KHDRBS1: variants seen among roughly 807,000 people sequenced by gnomAD.
KHDRBS1 encodes KH RNA binding domain containing, signal transduction associated 1.
A neutral mutation model predicts 48.4 loss-of-function variants in KHDRBS1; 7 were observed. The ratio of observed to expected loss-of-function variants is 0.14; its 90% CI spans 0.08 to 0.27. KHDRBS1 has a LOEUF of 0.27. Among genes scored for constraint, KHDRBS1 ranks in the 10% least tolerant of loss-of-function variants. The probability of loss-of-function intolerance (pLI) is 1.00; values close to 1 mark genes in which losing one functional copy is unlikely to be tolerated. For missense variants in KHDRBS1, 458 were observed against 601.2 expected, an observed-to-expected ratio of 0.76 and a Z score of 2.49; for synonymous variants, 241 against 235.8, an observed-to-expected ratio of 1.02 and a Z score of -0.20.
At chr1:32,030,469 G>T in intron 2 of KHDRBS1, 47 bp downstream of exon 2, 1 of 1,545,800 alleles carries the variant, frequency 6.5e-7, no homozygotes, top group South Asian at 1.2e-5. Flanking sequence ...TTATAGTTAT[G>T]AGAGAGTCAT....
downstream of KHDRBS1, among the ~76,000 whole-genome samples, chr1:32,048,085 GTATTT>G (rs1289362595): frequency 6.6e-6 from 1 of 152,172 alleles, no homozygotes; most frequent in East Asian, 1.9e-4. Context: ...ATGGCTCTAA[GTATTT>G]TATCTCTCAT....
chr1:32,042,667 T>TA lies in KHDRBS1; in HGVS notation c.*44dup, dbSNP rs1292702146. 1 of 1,200,290 alleles carries TA rather than the reference T, an allele frequency of 8.3e-7. No individual in the cohort carries two copies. Among genetic ancestry groups the TA allele is most frequent in the African/African-American group, 1.5e-5 (1 of 66,976 alleles). The allele number at this position is 1,200,290 out of a possible 1,614,324, so 74.4% of individuals were successfully genotyped here. Reference sequence around the variant, plus strand: ...AAATATCAGTTATGAGCAAAGTTGTTACTGATTTCTTGTATCTCCCAGGAT... The same window carrying TA: ...AAATATCAGTTATGAGCAAAGTTGTTAACTGATTTCTTGTATCTCCCAGGAT... On this transcript the variant is annotated 3_prime_UTR_variant, in exon 9 of 9. Coordinates refer to ENST00000327300, the MANE Select transcript of KHDRBS1 (RefSeq NM_006559.3).
intron 2 of KHDRBS1, among the ~76,000 whole-genome samples, 184 bp downstream of exon 2, chr1:32,030,606 C>T (rs562555879): frequency 2.0e-5 from 3 of 152,194 alleles, no homozygotes; most frequent in East Asian, 1.9e-4. Context: ...AATAACATAG[C>T]TATAGCCAGG....
chr1:32,036,889 C>G (rs1254442982), intron 4 of KHDRBS1, 21 bp from the exon 5 acceptor site: 2 of 1,607,518 alleles, frequency 1.2e-6, no homozygotes, highest in East Asian at 4.5e-5. Context: ...ACACAATACT[C>G]CTTGTATCTT....
At chr1:32,030,847 T>C (rs1036529015) in intron 2 of KHDRBS1, among the ~76,000 whole-genome samples, 1 of 152,088 alleles carries the variant, frequency 6.6e-6, no homozygotes, top group Admixed American at 6.5e-5. Flanking sequence ...CTTCCTTTTT[T>C]TTTTTTTAGG....
chr1:32,036,415 C>T (rs957674701), intron 4 of KHDRBS1, among the ~76,000 whole-genome samples: 4 of 151,962 alleles, frequency 2.6e-5, no homozygotes, highest in East Asian at 1.9e-4. Flanking sequence ...GTGATCTGCC[C>T]GCCTCGGCCT....
At chr1:32,027,130 C>T (rs1313687525) in intron 1 of KHDRBS1, among the ~76,000 whole-genome samples, 1 of 152,092 alleles carries the variant, frequency 6.6e-6, no homozygotes, top group Non-Finnish European at 1.5e-5. Context: ...TGGAGTTTCA[C>T]CACGTTGGCC....
chr1:32,048,992 A>G lies in KHDRBS1; in HGVS notation n.1301+3602A>G, dbSNP rs538665145. On this transcript the variant is annotated intron_variant and non_coding_transcript_variant, in intron 10 of 10. Coordinates refer to the KHDRBS1 transcript ENST00000484270. ...AGAAGACCACTTTCTGTATGATTTC[A>G]TACAAATGAAATTATACAATAAGTG... 2.1e-4 allele frequency among the ~76,000 whole-genome samples: 32 copies of G among 151,732 alleles called. 1 individual carries two copies. The South Asian group carries it at 6.7e-3, about 32-fold the overall frequency.
Position 32,014,392 on chromosome 1 carries a change from C to A in KHDRBS1, c.382+15C>A. On this transcript the variant is annotated intron_variant, in intron 1 of 8. Coordinates refer to ENST00000327300, the MANE Select transcript of KHDRBS1 (RefSeq NM_006559.3). ...GCTGACGGCAGGTAAGGGGGCCTCC[C>A]GTGTCCCTCTGGGTCGCCCGGCCAT... The A allele has an allele frequency of 7.4e-7, 1 of 1,359,198 alleles. No individual in the cohort carries two copies. The highest frequency in any genetic ancestry group is 9.6e-7 in the Non-Finnish European group (1 of 1,038,008). The allele number at this position is 1,359,198 out of a possible 1,614,324, so 84.2% of individuals were successfully genotyped here.
At chr1:32,027,083 A>G (rs1402576245) in intron 1 of KHDRBS1, among the ~76,000 whole-genome samples, 1 of 150,142 alleles carries the variant, frequency 6.7e-6, no homozygotes, top group South Asian at 2.1e-4. Flanking sequence ...GCGTGAGCCA[A>G]CGCGCCCGGT....
chr1:32,030,354 G>A lies in KHDRBS1; in HGVS notation c.439G>A (p.Asp147Asn). 1 of 1,612,452 alleles carries A rather than the reference G, an allele frequency of 6.2e-7. No homozygotes were observed. The highest frequency in any genetic ancestry group is 8.5e-7 in the Non-Finnish European group (1 of 1,178,968). ...AAAGGATGATGAGGAGAATTACTTG[G>A]ATTTATTTTCTCATAAGAACATGAA... ...SKKDDEENYL[D>N]LFSHKNMKLK... The change falls in exon 2 of 9, where the codon GAT becomes AAT. Residue 147 changes from aspartate (D) to asparagine (N), a missense_variant. By Grantham distance (23) the Asp-to-Asn change is conservative. This residue lies in a region of KHDRBS1 where 74 missense variants were observed against 156.9 expected (regional missense o/e 0.47). Transcript: ENST00000327300.
intron 8 of KHDRBS1, among the ~76,000 whole-genome samples, chr1:32,041,132 G>A (rs1195146842): frequency 6.6e-6 from 1 of 152,066 alleles, no homozygotes; most frequent in African/African-American, 2.4e-5. Context: ...CAGTTAATCC[G>A]TTCTGATCTC....
At position 32,041,654 on chromosome 1, in the gene KHDRBS1, A is replaced by G. The variant is rs895983526; in HGVS notation, c.1235-873A>G. On this transcript the variant is annotated intron_variant, in intron 8 of 8. Coordinates refer to ENST00000327300, the MANE Select transcript of KHDRBS1 (RefSeq NM_006559.3). Reference sequence around the variant, plus strand: ...GTCCAGGCTGGAGTGGAGTGGCACAATCTCAGCTCACTGCAACCTCTGCCT... The same window carrying G: ...GTCCAGGCTGGAGTGGAGTGGCACAGTCTCAGCTCACTGCAACCTCTGCCT... 2.0e-5 allele frequency among the ~76,000 whole-genome samples: 3 copies of G among 146,966 alleles called. No homozygotes were observed. The East Asian group carries it at 6.0e-4, about 29-fold the overall frequency.
intron 1 of KHDRBS1, among the ~76,000 whole-genome samples, chr1:32,028,667 T>C (rs1639022458): frequency 6.6e-6 from 1 of 151,510 alleles, no homozygotes; most frequent in Non-Finnish European, 1.5e-5. Flanking sequence ...CACGCCCGGC[T>C]AAATTTTTTT....
At chr1:32,055,122 C>T (rs939991718) in intron 10 of KHDRBS1, among the ~76,000 whole-genome samples, 1 of 152,134 alleles carries the variant, frequency 6.6e-6, no homozygotes, top group Non-Finnish European at 1.5e-5. Context: ...GACTGGTACT[C>T]CTAGCTTGGT....
intron 10 of KHDRBS1, among the ~76,000 whole-genome samples, chr1:32,050,495 TTC>T (rs1238281216): frequency 6.6e-6 from 1 of 151,970 alleles, no homozygotes; most frequent in African/African-American, 2.4e-5. Context: ...TTAGTTTTAG[TTC>T]TTTTTGTTTG....
At chr1:32,039,444 T>C (rs368454525) in intron 7 of KHDRBS1, 71 bp from the exon 8 acceptor site, 6 of 791,854 alleles carry the variant, frequency 7.6e-6, no homozygotes, top group Middle Eastern at 2.2e-4. Context: ...GACTGACTTA[T>C]GGAAGTATTT....
chr1:32,024,835 C>T lies in KHDRBS1; in HGVS notation c.383-5463C>T, dbSNP rs140793568. Among the ~76,000 whole-genome samples the T allele has an allele frequency of 3.2e-4, 49 of 152,074 alleles. No homozygotes were observed. The East Asian group carries it at 6.0e-3, about 19-fold the overall frequency. The stretch of plus-strand genomic sequence containing the variant: ...TCAGCCCTACCTGGGTAAGGTGGCA[C>T]GCACCTTTAGTCCTAGCTACTGGGG... On this transcript the variant is annotated intron_variant, in intron 1 of 8. Transcript: ENST00000327300.
chr1:32,019,580 A>G (rs1638815760), intron 1 of KHDRBS1, among the ~76,000 whole-genome samples: 1 of 152,210 alleles, frequency 6.6e-6, no homozygotes, highest in Non-Finnish European at 1.5e-5. Context: ...TTTGTACAGC[A>G]GTGAAAATGG....
Sources: allele counts gnomAD v4.1 joint callset (sites outside exome capture counted in the v4.1 genomes callset), GRCh38; gene constraint gnomAD v4.1.1; regional missense constraint gnomAD v4.1.1; transcripts MANE v1.5; gene names NCBI Gene and HGNC (gene_info 2026-07-23, HGNC 2026-07-21).